RYR2: variants seen among roughly 807,000 people sequenced by gnomAD.
RYR2 encodes ryanodine receptor 2.
A neutral mutation model predicts 601.1 loss-of-function variants in RYR2; 227 were observed. That is an observed-to-expected ratio of 0.38 (90% CI 0.34 to 0.42). RYR2 has a LOEUF of 0.42. Among genes scored for constraint, RYR2 ranks in the 10% least tolerant of loss-of-function variants. The pLI, the probability that RYR2 is intolerant of heterozygous loss-of-function variation, is 1.00. For missense variants in RYR2, 4,646 were observed against 6,156.5 expected (o/e 0.75, Z 8.21); for synonymous variants, 2,223 against 2,175.1 (o/e 1.02, Z -0.61).
At chr1:237,454,971 G>A (rs954252850) in intron 15 of RYR2, among the ~76,000 whole-genome samples, 12 of 152,078 alleles carry the variant, frequency 7.9e-5, no homozygotes, top group Admixed American at 4.6e-4. Context: ...CTTGGAAATG[G>A]CCCAGGATCT....
chr1:237,151,774 G>A (rs950753195), intron 1 of RYR2, among the ~76,000 whole-genome samples: 2 of 152,172 alleles, frequency 1.3e-5, no homozygotes, highest in African/African-American at 4.8e-5. Context: ...GTGGGCCAAG[G>A]ACAGAGTCAA....
chr1:237,167,762 A>G (rs1348160660), intron 1 of RYR2, among the ~76,000 whole-genome samples: 1 of 123,496 alleles, frequency 8.1e-6, no homozygotes, highest in Non-Finnish European at 1.6e-5. Flanking sequence ...TTGCTGTGTC[A>G]CCCAGGCTGG....
chr1:237,419,313 A>G (rs953782356), intron 11 of RYR2, among the ~76,000 whole-genome samples: 4 of 152,038 alleles, frequency 2.6e-5, no homozygotes, highest in Admixed American at 6.6e-5. Flanking sequence ...AAAAAAAAAC[A>G]TGAAAGCTTC....
At chr1:237,290,663 A>G (rs1293340546) in intron 2 of RYR2, among the ~76,000 whole-genome samples, 1 of 152,202 alleles carries the variant, frequency 6.6e-6, no homozygotes, top group African/African-American at 2.4e-5. Context: ...AAAACAGAGC[A>G]ACATAAAAAC....
At chr1:237,376,143 A>G (rs74147247) in intron 7 of RYR2, among the ~76,000 whole-genome samples, 16,038 of 152,226 alleles carry the variant, frequency 0.11, 974 homozygotes, top group African/African-American at 0.16. Context: ...GAATGGATGA[A>G]AAGCTACCTG....
intron 2 of RYR2, among the ~76,000 whole-genome samples, chr1:237,285,904 G>C (rs2149399882): frequency 6.6e-6 from 1 of 152,172 alleles, no homozygotes; most frequent in African/African-American, 2.4e-5. Flanking sequence ...AGGTTATTTG[G>C]AGTTTCTCTC....
rs751106846 is a variant in RYR2, at chr1:237,640,885, C to T, written c.7116-12C>T. On this transcript the variant is annotated splice_polypyrimidine_tract_variant and intron_variant, in intron 46 of 104. Coordinates refer to ENST00000366574, the MANE Select transcript of RYR2 (RefSeq NM_001035.3). Reference sequence around the variant, plus strand: ...CATTTGCTTTCTCTTTCTTTTGAAACATTCATGAAAGTGACACAGAGGAGG... The same window carrying T: ...CATTTGCTTTCTCTTTCTTTTGAAATATTCATGAAAGTGACACAGAGGAGG... The T allele has an allele frequency of 5.0e-6, 8 of 1,606,180 alleles. No homozygotes were observed. The highest frequency in any genetic ancestry group is 8.5e-7 in the Non-Finnish European group (1 of 1,174,590).
intron 29 of RYR2, among the ~76,000 whole-genome samples, chr1:237,575,028 G>A (rs948287500): frequency 3.3e-5 from 5 of 152,086 alleles, no homozygotes; most frequent in South Asian, 2.1e-4. Context: ...AGGTTCAACC[G>A]AACCTTCAGA....
chr1:237,248,872 C>T (rs1390325305), intron 1 of RYR2, among the ~76,000 whole-genome samples: 1 of 151,582 alleles, frequency 6.6e-6, no homozygotes, highest in East Asian at 1.9e-4. Context: ...AGCAATTCTC[C>T]AACCTCAGCC....
intron 41 of RYR2, among the ~76,000 whole-genome samples, chr1:237,628,433 AT>A (rs1679910191): frequency 7.0e-6 from 1 of 143,494 alleles, no homozygotes; most frequent in Non-Finnish European, 1.5e-5. Flanking sequence ...ATGTGTTCAC[AT>A]TGTTCAATTC....
chr1:237,392,864 T>G (rs1025331396), intron 10 of RYR2, among the ~76,000 whole-genome samples: 1 of 152,204 alleles, frequency 6.6e-6, no homozygotes, highest in African/African-American at 2.4e-5. Context: ...ATTGATTCAA[T>G]AAGAATGTGT....
intron 16 of RYR2, among the ~76,000 whole-genome samples, chr1:237,461,019 A>G (rs751559129): frequency 1.3e-5 from 2 of 152,172 alleles, no homozygotes; most frequent in Non-Finnish European, 2.9e-5. Flanking sequence ...GTCCTAGAAA[A>G]GAAACTTTAC....
At position 237,380,359 on chromosome 1, in the gene RYR2, A is replaced by AATATAT. The variant is rs57204036; in HGVS notation, c.576+2982_576+2987dup. Among the ~76,000 whole-genome samples the AATATAT allele has an allele frequency of 4.7e-3, 137 of 29,144 alleles. 9 individuals carry two copies. The highest frequency in any genetic ancestry group is 6.4e-3 in the Non-Finnish European group (90 of 13,992). 19.1% of individuals were successfully genotyped at this position (29,144 alleles called of 152,430 possible). On this transcript the variant is annotated intron_variant, in intron 8 of 104. Transcript: ENST00000366574. ...GCACACTTGCCTTGTAGAATACACA[A>AATATAT]ATATATATATATATATATATATATA...
At chr1:237,522,523 A>T (rs550743995) in intron 24 of RYR2, among the ~76,000 whole-genome samples, 2 of 152,270 alleles carry the variant, frequency 1.3e-5, no homozygotes, top group South Asian at 4.1e-4. Context: ...CTGTACTCCC[A>T]GTATAGAAGC....
intron 27 of RYR2, among the ~76,000 whole-genome samples, chr1:237,551,390 G>T (rs1455723177): frequency 6.6e-6 from 1 of 151,968 alleles, no homozygotes; most frequent in East Asian, 1.9e-4. Flanking sequence ...AATTAGCTGG[G>T]CATGGTGGCG....
intron 96 of RYR2, among the ~76,000 whole-genome samples, chr1:237,795,860 A>ATATGTG (rs1558433943): frequency 7.2e-6 from 1 of 138,818 alleles, no homozygotes; most frequent in African/African-American, 3.0e-5. Flanking sequence ...GTATATGTAT[A>ATATGTG]TATATATATA....
chr1:237,046,123 A>C (rs1433931670), intron 1 of RYR2, among the ~76,000 whole-genome samples: 3 of 152,158 alleles, frequency 2.0e-5, no homozygotes, highest in Non-Finnish European at 2.9e-5. Context: ...TTCCACAATG[A>C]CAAGAAGCAT....
intron 24 of RYR2, among the ~76,000 whole-genome samples, chr1:237,521,392 T>C (rs1273697367): frequency 1.3e-5 from 2 of 152,314 alleles, no homozygotes; most frequent in Admixed American, 6.5e-5. Flanking sequence ...AAGGTGACCA[T>C]GTCAATCTTT....
rs766499417 is a variant in RYR2 at position 237,732,083 on chromosome 1, C to G, written c.10973C>G (p.Thr3658Ser). The change falls in exon 78 of 105, where the codon ACT becomes AGT. Residue 3658 changes from threonine to serine, a missense_variant. This residue lies in a region of RYR2 where 1,497 missense variants were observed against 1,842.6 expected (regional missense o/e 0.81). Transcript: ENST00000366574. ...GAEPPEEDEGTKRVDPLHQLI... is the reference protein window; with the variant it reads ...GAEPPEEDEGSKRVDPLHQLI... ...GAACCTCCAGAAGAAGATGAAGGCA[C>G]TAAGAGAGTTGATCCTCTACATCAG... is the stretch of plus-strand genomic sequence containing the variant. 11 of 1,611,106 alleles carry G rather than the reference C, an allele frequency of 6.8e-6. No homozygotes were observed. Among genetic ancestry groups the G allele is most frequent in the South Asian group, 1.1e-5 (1 of 90,768 alleles).
Sources: allele counts gnomAD v4.1 joint callset (sites outside exome capture counted in the v4.1 genomes callset), GRCh38; gene constraint gnomAD v4.1.1; regional missense constraint gnomAD v4.1.1; transcripts MANE v1.5; gene names NCBI Gene and HGNC (gene_info 2026-07-23, HGNC 2026-07-21).